Variants in DBT observed in about 807,000 individuals in gnomAD.
The protein encoded by DBT is lipoamide acyltransferase component of branched-chain alpha-keto acid dehydrogenase complex, mitochondrial.
In DBT, 40 loss-of-function variants were observed where a neutral mutation model predicts 51.3. That is an observed-to-expected ratio of 0.78 (90% CI 0.61 to 1.02). DBT has a LOEUF of 1.02. DBT is among the 50% of genes least tolerant of loss of function. The pLI, the probability that DBT is intolerant of heterozygous loss-of-function variation, is 0.00. For synonymous variants in DBT, 181 were observed against 190.4 expected (o/e 0.95, Z 0.41); for missense variants, 510 against 580.2 (o/e 0.88, Z 1.24).
chr1:100,224,750 C>T (rs990586545), intron 4 of DBT, among the ~76,000 whole-genome samples: 1 of 151,978 alleles, frequency 6.6e-6, no homozygotes, highest in African/African-American at 2.4e-5. Flanking sequence ...GGCATGGTAG[C>T]TCACGCCTGT....
intron 4 of DBT, among the ~76,000 whole-genome samples, chr1:100,226,510 C>T (rs1457311766): frequency 3.3e-5 from 5 of 152,002 alleles, no homozygotes; most frequent in African/African-American, 1.2e-4. Context: ...GTCTCAAGCT[C>T]CCAGGCTCAA....
intron 4 of DBT, among the ~76,000 whole-genome samples, chr1:100,224,692 C>G (rs997559476): frequency 6.6e-5 from 10 of 152,110 alleles, no homozygotes; most frequent in African/African-American, 2.4e-4. Flanking sequence ...TGAGATAGAG[C>G]TGACACACAA....
chr1:100,241,645 C>A (rs1664218540), intron 1 of DBT, among the ~76,000 whole-genome samples: 1 of 152,168 alleles, frequency 6.6e-6, no homozygotes, highest in South Asian at 2.1e-4. Context: ...AATCCTCCCA[C>A]CTCAGCCTCC....
chr1:100,216,011 T>A lies in DBT; in HGVS notation c.744A>T (p.Thr248=). 1 of 1,607,922 alleles carries A rather than the reference T, an allele frequency of 6.2e-7. No homozygotes were observed. The highest frequency in any genetic ancestry group is 1.1e-5 in the South Asian group (1 of 90,972). The change falls in exon 6 of 11, where the codon ACA becomes ACT. Residue 248 remains threonine (T), a synonymous_variant. Coordinates refer to ENST00000370132, the MANE Select transcript of DBT (RefSeq NM_001918.5). ...PILVSKPPVF[T]GKDKTEPIKG... ...TTATGGGTTCTGTTTTGTCTTTGCC[T>A]GTGAATACCGGAGGTTTTGATACTA... is the stretch of plus-strand genomic sequence containing the variant.
chr1:100,225,060 C>G (rs201098072), intron 4 of DBT, among the ~76,000 whole-genome samples: 1 of 91,774 alleles, frequency 1.1e-5, no homozygotes, highest in Non-Finnish European at 2.1e-5. Flanking sequence ...TATACACACA[C>G]ACACACACAC....
At position 100,248,037 on chromosome 1, in the gene DBT, G is replaced by A. The variant is rs781539066; in HGVS notation, c.51+1733C>T. Among the ~76,000 whole-genome samples the A allele has an allele frequency of 2.0e-5, 3 of 151,784 alleles. No homozygotes were observed. In the East Asian group the frequency reaches 5.8e-4, roughly 29 times the overall value. ...GAATCGCTTGAAACTGGGAGGCAGGGGTTGCAGTGAGCCAAGATCGCACCA... is the reference window on the plus strand; with the variant it reads ...GAATCGCTTGAAACTGGGAGGCAGGAGTTGCAGTGAGCCAAGATCGCACCA... On this transcript the variant is annotated intron_variant, in intron 1 of 10. Coordinates refer to ENST00000370132, the MANE Select transcript of DBT (RefSeq NM_001918.5).
chr1:100,198,615 C>T (rs1661241596), intron 10 of DBT, among the ~76,000 whole-genome samples: 1 of 152,020 alleles, frequency 6.6e-6, no homozygotes, highest in South Asian at 2.1e-4. Flanking sequence ...TGCAGGAAGC[C>T]AGAATTTTGT....
intron 10 of DBT, among the ~76,000 whole-genome samples, chr1:100,197,871 C>T (rs996842139): frequency 6.6e-6 from 1 of 151,840 alleles, no homozygotes; most frequent in Non-Finnish European, 1.5e-5. Context: ...ATAATGAAAA[C>T]AAAATAGCAA....
At chr1:100,227,675 G>A (rs1316788030) in intron 4 of DBT, among the ~76,000 whole-genome samples, 1 of 152,182 alleles carries the variant, frequency 6.6e-6, no homozygotes, top group East Asian at 1.9e-4. Flanking sequence ...CATTATCCTA[G>A]TTCAGTGTTT....
chr1:100,245,167 G>C (rs1316125806), intron 1 of DBT, among the ~76,000 whole-genome samples: 1 of 151,870 alleles, frequency 6.6e-6, no homozygotes, highest in Non-Finnish European at 1.5e-5. Context: ...TTCAAAGACA[G>C]GGTTGGCTGG....
rs187402567 is a variant in DBT, at chr1:100,238,542, C to G, written c.175+2219G>C. Among the ~76,000 whole-genome samples the G allele has an allele frequency of 3.3e-5, 5 of 151,702 alleles. No individual in the cohort carries two copies. In the East Asian group the frequency reaches 9.7e-4, roughly 29 times the overall value. ...ACATGGCCTAACTCTGTTGCCCAGG[C>G]TGGAGGGCAGTGGCATGATCACAGC... On this transcript the variant is annotated intron_variant, in intron 2 of 10. Coordinates refer to ENST00000370132, the MANE Select transcript of DBT (RefSeq NM_001918.5).
At position 100,218,708 on chromosome 1, in the gene DBT, T is replaced by G. The variant is rs781055948; in HGVS notation, c.473A>C (p.His158Pro). 6.8e-6 allele frequency: 11 copies of G among 1,613,728 alleles called. No individual in the cohort carries two copies. The South Asian group carries it at 1.1e-4, about 16-fold the overall frequency. Residue 158 changes from histidine (H) to proline (P), a missense_variant, in exon 5 of 11, where the codon CAT becomes CCT. His to Pro is a moderately conservative substitution (Grantham distance 77, BLOSUM62 -2). Transcript: ENST00000370132. ...EDVVETPAVSHDEHTHQEIKG... is the reference protein window; with the variant it reads ...EDVVETPAVSPDEHTHQEIKG... ...TATCTCTTGGTGTGTATGTTCATCA[T>G]GAGACACTGCAGGAGTTTCAACAAC... is the stretch of plus-strand genomic sequence containing the variant.
intron 7 of DBT, chr1:100,211,156 G>A (rs753089171): frequency 2.6e-6 from 2 of 777,510 alleles, no homozygotes; most frequent in Admixed American, 3.4e-5. Context: ...AAGCAGGTAA[G>A]CTATTTCTCT....
chr1:100,196,879 G>C lies in DBT; in HGVS notation c.1282-457C>G, dbSNP rs200778996. The C allele has an allele frequency of 2.6e-5, 5 of 192,608 alleles. No homozygotes were observed. The East Asian group carries it at 6.7e-4, about 26-fold the overall frequency. 11.9% of individuals were successfully genotyped at this position (192,608 alleles called of 1,614,324 possible). On this transcript the variant is annotated intron_variant, in intron 10 of 10. Transcript: ENST00000370132. Reference sequence around the variant, plus strand: ...AAGAAGACAGGACAACAACATGCTTGTGTTCTTTGTGGATATTAAAGCTAG... The same window carrying C: ...AAGAAGACAGGACAACAACATGCTTCTGTTCTTTGTGGATATTAAAGCTAG...
rs765134877 is a variant in DBT at position 100,187,939 on chromosome 1, C to T, written c.*8316G>A. The T allele has an allele frequency of 6.6e-5, 10 of 152,114 alleles. No homozygotes were observed. Among genetic ancestry groups the T allele is most frequent in the Non-Finnish European group, 1.0e-4 (7 of 68,040 alleles). 9.4% of individuals were successfully genotyped at this position (152,114 alleles called of 1,614,324 possible). ...ACCATTCTGTTGAAACTGGAGTATA[C>T]TGCACTTATATATCATTATTTCTAA... On this transcript the variant is annotated 3_prime_UTR_variant, in exon 11 of 11. Coordinates refer to ENST00000370132, the MANE Select transcript of DBT (RefSeq NM_001918.5).
intron 2 of DBT, among the ~76,000 whole-genome samples, chr1:100,238,359 G>A (rs568444545): frequency 1.1e-4 from 12 of 104,536 alleles, no homozygotes; most frequent in Non-Finnish European, 1.6e-4. Flanking sequence ...TTCCCGTCCT[G>A]TCTCATCACG....
At position 100,223,049 on chromosome 1, in the gene DBT, C is replaced by T. The variant is rs562809842; in HGVS notation, c.434-4302G>A. ...TGACCTGGCACAAGGACAATCTAAA[C>T]GGGCTGAAAAACTAAAAATCAAACG... On this transcript the variant is annotated intron_variant, in intron 4 of 10. Coordinates refer to ENST00000370132, the MANE Select transcript of DBT (RefSeq NM_001918.5). 1.6e-4 allele frequency among the ~76,000 whole-genome samples: 25 copies of T among 152,242 alleles called. No homozygotes were observed. The South Asian group carries it at 4.4e-3, about 27-fold the overall frequency.
chr1:100,199,231 C>G (rs1661288949), intron 10 of DBT, among the ~76,000 whole-genome samples: 1 of 152,144 alleles, frequency 6.6e-6, no homozygotes, highest in African/African-American at 2.4e-5. Context: ...TTTTTGCACT[C>G]ATTTGGGTTC....
chr1:100,195,967 A>T lies in DBT; in HGVS notation c.*288T>A. 3 of 418,906 alleles carry T rather than the reference A, an allele frequency of 7.2e-6. No homozygotes were observed. 25.9% of individuals were successfully genotyped at this position (418,906 alleles called of 1,614,324 possible). ...GGCGTGAGCCACCATGCCCGGCCTA[A>T]TTTTGTTAATCTTGCCAGTTTCAAG... On this transcript the variant is annotated 3_prime_UTR_variant, in exon 11 of 11. Coordinates refer to ENST00000370132, the MANE Select transcript of DBT (RefSeq NM_001918.5).
Sources: gnomAD v4.1 joint callset for allele counts (sites outside exome capture counted in the v4.1 genomes callset) on GRCh38, gnomAD v4.1.1 for gene constraint, MANE v1.5 for transcripts, NCBI Gene and HGNC (gene_info 2026-07-23, HGNC 2026-07-21) for gene names.